The following TSPAN32 variants were observed in gnomAD, a reference collection of about 807,000 sequenced individuals.
The protein encoded by TSPAN32 is tetraspanin-32.
In TSPAN32, 47 loss-of-function variants were observed where a neutral mutation model predicts 42.7. The observed-to-expected ratio is 1.10, with a 90% confidence interval of 0.87 to 1.40. TSPAN32 has a LOEUF of 1.40. TSPAN32 is among the 40% of genes most tolerant of loss of function. TSPAN32 has a pLI of 0.00. For missense variants in TSPAN32, 469 were observed against 424.1 expected (o/e 1.11, Z -0.93); for synonymous variants, 175 against 175.9 (o/e 0.99, Z 0.04).
intron 6 of TSPAN32, 93 bp downstream of exon 6, chr11:2,314,664 C>A: frequency 9.6e-7 from 1 of 1,043,976 alleles, no homozygotes; most frequent in Non-Finnish European, 1.4e-6. Flanking sequence ...TCCTCCCACC[C>A]CACCCCTTGG....
In TSPAN32 at chr11:2,304,222, C is replaced by T. The variant is rs1186897658; in HGVS notation, c.279+18C>T. 6.0e-6 allele frequency: 9 copies of T among 1,495,416 alleles called. No individual in the cohort carries two copies. The Admixed American group carries it at 6.5e-5, about 11-fold the overall frequency. 92.6% of individuals were successfully genotyped at this position (1,495,416 alleles called of 1,614,324 possible). A position where few individuals can be genotyped will look rare whatever the true frequency, so the allele number is the denominator to read the frequency against. On this transcript the variant is annotated intron_variant, in intron 3 of 9. Coordinates refer to ENST00000182290, the MANE Select transcript of TSPAN32 (RefSeq NM_139022.3). The surrounding 1 kb of genome is among the most constrained non-coding windows in gnomAD (Gnocchi z 4.8). ...TGGCAGGGGTGAGTTCATTGTGTTCCCAGATGCCCAGGCCCCCAGAAAAGA... is the reference window on the plus strand; with the variant it reads ...TGGCAGGGGTGAGTTCATTGTGTTCTCAGATGCCCAGGCCCCCAGAAAAGA...
intron 3 of TSPAN32, among the ~76,000 whole-genome samples, chr11:2,307,782 T>C (rs1418574965): frequency 6.6e-6 from 1 of 151,834 alleles, no homozygotes; most frequent in Non-Finnish European, 1.5e-5. Flanking sequence ...GGCACGGGCA[T>C]CAGTGAGAGA....
intron 8 of TSPAN32, 37 bp downstream of exon 8, chr11:2,316,704 G>T: frequency 6.6e-7 from 1 of 1,510,734 alleles, no homozygotes; most frequent in Non-Finnish European, 8.9e-7. Context: ...CCTCTGGAAG[G>T]GTCCTCCAGC....
At chr11:2,303,402 C>A in intron 2 of TSPAN32, 1 of 213,016 alleles carries the variant, frequency 4.7e-6, no homozygotes, top group South Asian at 5.0e-5. Context: ...CCAGACGCCT[C>A]CCTGCAGGGA....
rs557705437 is a variant in TSPAN32 at position 2,306,395 on chromosome 11, T to C, written c.279+2191T>C. Among the ~76,000 whole-genome samples, 76 of 152,110 alleles carry C rather than the reference T, an allele frequency of 5.0e-4. 1 individual carries two copies. Among genetic ancestry groups the C allele is most frequent in the Admixed American group, 1.3e-4 (2 of 15,274 alleles). On this transcript the variant is annotated intron_variant, in intron 3 of 9. Transcript: ENST00000182290. Reference sequence around the variant, plus strand: ...ACATTCAATTCGCTTATGTATCTATTTATTTATTTCCATTTAGAATGAGGA... The same window carrying C: ...ACATTCAATTCGCTTATGTATCTATCTATTTATTTCCATTTAGAATGAGGA...
chr11:2,316,110 GC>G (rs1848772973), intron 6 of TSPAN32, 118 bp from the exon 7 acceptor site: 24 of 1,523,780 alleles, frequency 1.6e-5, no homozygotes, highest in Non-Finnish European at 2.1e-5. Context: ...CGCACCCGCC[GC>G]CCTGCTGCCC....
intron 3 of TSPAN32, among the ~76,000 whole-genome samples, chr11:2,306,516 C>T (rs1364107765): frequency 6.6e-6 from 1 of 151,596 alleles, no homozygotes; most frequent in Admixed American, 6.6e-5. Context: ...ACCCAAGATC[C>T]TCTCTGCGCG....
chr11:2,307,576 G>C (rs1342492646), intron 3 of TSPAN32, among the ~76,000 whole-genome samples: 3 of 152,302 alleles, frequency 2.0e-5, no homozygotes, highest in South Asian at 2.1e-4. Flanking sequence ...TTCTTAGCCT[G>C]GGTGACCTCT....
Position 2,304,023 on chromosome 11 carries a change from C to T in TSPAN32, c.182-84C>T, listed in dbSNP as rs1847921392. 1 of 1,095,738 alleles carries T rather than the reference C, an allele frequency of 9.1e-7. No homozygotes were observed. Among genetic ancestry groups the T allele is most frequent in the Non-Finnish European group, 1.4e-6 (1 of 737,770 alleles). 67.9% of individuals were successfully genotyped at this position (1,095,738 alleles called of 1,614,324 possible). On this transcript the variant is annotated intron_variant, in intron 2 of 9. Transcript: ENST00000182290. The surrounding 1 kb of genome is among the most constrained non-coding windows in gnomAD (Gnocchi z 4.8). Reference sequence around the variant, plus strand: ...GGAGTCCCTCACGGCCCCTGACTCCCAAGTTAGATTTCACACCCAGGCTGT... The same window carrying T: ...GGAGTCCCTCACGGCCCCTGACTCCTAAGTTAGATTTCACACCCAGGCTGT...
intron 7 of TSPAN32, 120 bp from the exon 8 acceptor site, chr11:2,316,456 G>T (rs774801437): frequency 6.4e-7 from 1 of 1,565,322 alleles, no homozygotes; most frequent in Non-Finnish European, 8.6e-7. Context: ...CTGCTCTGGT[G>T]TGACAGGGCC....
intron 4 of TSPAN32, chr11:2,309,403 C>T (rs1344449643): frequency 8.6e-6 from 4 of 466,064 alleles, no homozygotes; most frequent in Non-Finnish European, 1.8e-5. Flanking sequence ...AAGGGCGTCC[C>T]CGTGGAAAGG....
intron 6 of TSPAN32, chr11:2,315,237 A>G (rs1334838041): frequency 8.4e-7 from 1 of 1,197,300 alleles, no homozygotes; most frequent in Non-Finnish European, 1.1e-6. Context: ...AACCCACCCT[A>G]TCTCACAGTG....
intron 1 of TSPAN32, 154 bp from the exon 2 acceptor site, chr11:2,302,690 A>G: frequency 1.5e-6 from 1 of 650,630 alleles, no homozygotes; most frequent in Non-Finnish European, 2.7e-6. Flanking sequence ...GCCTCCTGAG[A>G]CCACTCCACG....
intron 3 of TSPAN32, among the ~76,000 whole-genome samples, chr11:2,308,122 G>T (rs1384839180): frequency 6.6e-6 from 1 of 152,156 alleles, no homozygotes; most frequent in Admixed American, 6.5e-5. Flanking sequence ...CTGGGCAGGG[G>T]TGCAGTGTTG....
intron 4 of TSPAN32, among the ~76,000 whole-genome samples, chr11:2,312,118 C>T (rs1208876307): frequency 6.6e-6 from 1 of 151,870 alleles, no homozygotes; most frequent in Non-Finnish European, 1.5e-5. Context: ...AGTTGTCACT[C>T]TCGCCCATGC....
Position 2,317,887 on chromosome 11 carries a change from G to T in TSPAN32, c.926G>T (p.Gly309Val), listed in dbSNP as rs779572025. 1 of 1,432,508 alleles carries T rather than the reference G, an allele frequency of 7.0e-7. No individual in the cohort carries two copies. Among genetic ancestry groups the T allele is most frequent in the East Asian group, 2.3e-5 (1 of 44,074 alleles). 88.7% of individuals were successfully genotyped at this position (1,432,508 alleles called of 1,614,324 possible). The change falls in exon 10 of 10, where the codon GGG (glycine) becomes GTG (valine). Residue 309 changes from glycine to valine, a missense_variant. Gly to Val is a moderately radical substitution (Grantham distance 109). Coordinates refer to ENST00000182290, the MANE Select transcript of TSPAN32 (RefSeq NM_139022.3). This position sits in a 1 kb window ranked among gnomAD's most constrained non-coding sequence, Gnocchi z 6.2. ...HRALQGRSRGGLSGCPERGLS... is the reference protein window; with the variant it reads ...HRALQGRSRGVLSGCPERGLS... The stretch of plus-strand genomic sequence containing the variant: ...GCTCTCCAGGGCAGAAGTCGCGGTG[G>T]GCTCAGTGGGTGCCCTGAGCGGGGT...
At chr11:2,311,852 G>C (rs1260450639) in intron 4 of TSPAN32, among the ~76,000 whole-genome samples, 3 of 152,240 alleles carry the variant, frequency 2.0e-5, no homozygotes, top group Non-Finnish European at 2.9e-5. Context: ...GCCTGGAATG[G>C]AGACAGACGG....
intron 2 of TSPAN32, 148 bp downstream of exon 2, chr11:2,303,106 G>A (rs1243818995): frequency 5.9e-6 from 4 of 682,376 alleles, no homozygotes; most frequent in Admixed American, 2.9e-5. Context: ...GGGCTGCCCT[G>A]GAGTCCTAGC....
At chr11:2,311,392 GGGCTGAGAGCCACTTT>G (rs982284062) in intron 4 of TSPAN32, among the ~76,000 whole-genome samples, 2 of 152,170 alleles carry the variant, frequency 1.3e-5, no homozygotes, top group African/African-American at 4.8e-5. Flanking sequence ...TTCTCCTCGA[GGGCTGAGAGCCACTTT>G]GCCTTAACCC....
Sources: gnomAD v4.1 joint callset for allele counts (sites outside exome capture counted in the v4.1 genomes callset) on GRCh38, gnomAD v4.1.1 for gene constraint, Gnocchi (gnomAD v3.1) non-coding constraint, MANE v1.5 for transcripts, NCBI Gene and HGNC (gene_info 2026-07-23, HGNC 2026-07-21) for gene names.